Variants in PTPRN2 observed in about 807,000 individuals in gnomAD.
PTPRN2 encodes the protein protein tyrosine phosphatase receptor type N2, also known as receptor-type tyrosine-protein phosphatase N2.
PTPRN2 carries 74 observed loss-of-function variants against 118.8 expected under a neutral mutation model. That is an observed-to-expected ratio of 0.62 (90% CI 0.52 to 0.76). The LOEUF (loss-of-function observed/expected upper bound fraction) is 0.76, where lower values mean the gene tolerates loss of function less well. Among genes scored for constraint, PTPRN2 ranks in the 30% least tolerant of loss-of-function variants. PTPRN2 has a pLI of 0.00. For synonymous variants in PTPRN2, 641 were observed against 608.0 expected (o/e 1.05, Z -0.80); for missense variants, 1,481 against 1,394.4 (o/e 1.06, Z -0.99).
intron 3 of PTPRN2, among the ~76,000 whole-genome samples, chr7:158,316,187 G>C (rs1039389794): frequency 7.5e-4 from 114 of 152,282 alleles, no homozygotes; most frequent in African/African-American, 2.7e-3. Context: ...GCTTACTCCA[G>C]ATGTGGATTT....
chr7:158,283,605 G>A (rs1799577788), intron 3 of PTPRN2, among the ~76,000 whole-genome samples: 1 of 152,198 alleles, frequency 6.6e-6, no homozygotes, highest in African/African-American at 2.4e-5. Flanking sequence ...GTCACAGCAT[G>A]TCCACGGCAC....
intron 4 of PTPRN2, among the ~76,000 whole-genome samples, chr7:158,192,769 A>G (rs1825883742): frequency 6.6e-6 from 1 of 152,154 alleles, no homozygotes; most frequent in Non-Finnish European, 1.5e-5. Flanking sequence ...AAAGCAATAC[A>G]TGGGAAACAA....
intron 12 of PTPRN2, among the ~76,000 whole-genome samples, chr7:157,888,881 G>A (rs1395628474): frequency 6.6e-6 from 1 of 152,156 alleles, no homozygotes; most frequent in African/African-American, 2.4e-5. Context: ...GGTAAAATGA[G>A]ATAGAACTAG....
chr7:158,500,441 T>G (rs756689908), intron 1 of PTPRN2, among the ~76,000 whole-genome samples: 1 of 152,176 alleles, frequency 6.6e-6, no homozygotes, highest in Non-Finnish European at 1.5e-5. Flanking sequence ...TACTTAAAAC[T>G]CTGTAAAAGT....
At chr7:157,736,300 T>C (rs112852976) in intron 12 of PTPRN2, among the ~76,000 whole-genome samples, 2 of 152,322 alleles carry the variant, frequency 1.3e-5, no homozygotes, top group Non-Finnish European at 2.9e-5. Flanking sequence ...ATAGGCTGAA[T>C]TGTGACCCCC....
intron 6 of PTPRN2, among the ~76,000 whole-genome samples, chr7:158,155,989 G>A (rs1208203844): frequency 1.3e-5 from 2 of 152,186 alleles, no homozygotes; most frequent in Non-Finnish European, 2.9e-5. Context: ...GGGAGAAACT[G>A]ACATAATCAT....
chr7:158,248,809 T>C (rs1463064946), intron 3 of PTPRN2, among the ~76,000 whole-genome samples: 5 of 11,300 alleles, frequency 4.4e-4, no homozygotes, highest in African/African-American at 2.9e-3. Context: ...ATGACACACG[T>C]GCACACATGC....
intron 2 of PTPRN2, among the ~76,000 whole-genome samples, chr7:158,463,601 CATT>C (rs1023297553): frequency 1.2e-4 from 18 of 150,452 alleles, no homozygotes; most frequent in African/African-American, 2.2e-4. Flanking sequence ...TCACCATCAT[CATT>C]GTTATCACCA....
At chr7:158,085,430 ACC>A (rs1491431049) in intron 10 of PTPRN2, among the ~76,000 whole-genome samples, 1,687 of 59,956 alleles carry the variant, frequency 0.028, 5 homozygotes, top group Middle Eastern at 0.069. Flanking sequence ...GCCCATCCAC[ACC>A]CACGACGCCC....
intron 11 of PTPRN2, among the ~76,000 whole-genome samples, chr7:157,937,851 G>T (rs1799815371): frequency 6.6e-6 from 1 of 152,244 alleles, no homozygotes; most frequent in South Asian, 2.1e-4. Context: ...CTAGTGACGT[G>T]AGCCCCAGGA....
At chr7:158,058,857 A>G (rs1810045103) in intron 11 of PTPRN2, among the ~76,000 whole-genome samples, 2 of 122,636 alleles carry the variant, frequency 1.6e-5, no homozygotes, top group Admixed American at 1.5e-4. Flanking sequence ...ACATCACTGC[A>G]GCCACACTCC....
At position 158,140,227 on chromosome 7, in the gene PTPRN2, A is replaced by C. The variant is rs575270539; in HGVS notation, c.911-1712T>G. On this transcript the variant is annotated intron_variant, in intron 6 of 22. Coordinates refer to ENST00000389418, the MANE Select transcript of PTPRN2 (RefSeq NM_002847.5). ...GGCTAGAGGGAGCTGAAGCCTCCTC[A>C]CCGCGTCCAGGAAGTGGCACAGTGA... Among the ~76,000 whole-genome samples, 38 of 152,332 alleles carry C rather than the reference A, an allele frequency of 2.5e-4. No homozygotes were observed. The South Asian group carries it at 7.3e-3, about 29-fold the overall frequency.
intron 12 of PTPRN2, among the ~76,000 whole-genome samples, chr7:157,799,382 G>A (rs1013217641): frequency 6.6e-6 from 1 of 152,108 alleles, no homozygotes; most frequent in Non-Finnish European, 1.5e-5. Context: ...ACCTCCCCAC[G>A]CTGAACGTGT....
intron 11 of PTPRN2, among the ~76,000 whole-genome samples, chr7:157,901,694 C>A (rs1180035767): frequency 6.6e-6 from 1 of 152,114 alleles, no homozygotes; most frequent in Non-Finnish European, 1.5e-5. Context: ...TTTGTTTACA[C>A]CCGAAGTGGG....
At chr7:158,204,055 GCCCCTGCC>G (rs1826899492) in intron 4 of PTPRN2, among the ~76,000 whole-genome samples, 1 of 149,208 alleles carries the variant, frequency 6.7e-6, no homozygotes, top group Non-Finnish European at 1.5e-5. Context: ...GAAAGACACG[GCCCCTGCC>G]CTCAGCGAGC....
intron 11 of PTPRN2, among the ~76,000 whole-genome samples, chr7:158,045,218 A>G (rs1808754465): frequency 6.6e-6 from 1 of 152,216 alleles, no homozygotes; most frequent in South Asian, 2.1e-4. Flanking sequence ...TGTGGCGCAC[A>G]GCAGCCCATT....
chr7:158,276,241 CGGTCCTGGTAGCACCCCCACACTCT>C lies in PTPRN2; in HGVS notation c.277+40553_277+40577del, dbSNP rs1310641494. 8.5e-4 allele frequency among the ~76,000 whole-genome samples: 28 copies of C among 32,936 alleles called. 1 individual carries two copies. The highest frequency in any genetic ancestry group is 1.8e-3 in the African/African-American group (23 of 13,128). The allele number at this position is 32,936 out of a possible 152,430, so 21.6% of individuals were successfully genotyped here. On this transcript the variant is annotated intron_variant, in intron 3 of 22. Transcript: ENST00000389418. ...GCTGTAAGGTAGCACCCCCACATCC[CGGTCCTGGTAGCACCCCCACACTCT>C]GGCCCCAACAGGCTGTAAGGCAGCA...
At chr7:157,657,938 C>T (rs908508498) in intron 13 of PTPRN2, among the ~76,000 whole-genome samples, 3 of 136,710 alleles carry the variant, frequency 2.2e-5, no homozygotes, top group Non-Finnish European at 4.8e-5. Context: ...ACACACCACA[C>T]ACACACACCA....
chr7:157,867,383 GC>G, intron 12 of PTPRN2, among the ~76,000 whole-genome samples: 1 of 135,066 alleles, frequency 7.4e-6, no homozygotes, highest in Non-Finnish European at 1.6e-5. Flanking sequence ...TGGATACACG[GC>G]CACCACCCTG....
Sources: gnomAD v4.1 joint callset for allele counts (sites outside exome capture counted in the v4.1 genomes callset) on GRCh38, gnomAD v4.1.1 for gene constraint, MANE v1.5 for transcripts, NCBI Gene and HGNC (gene_info 2026-07-23, HGNC 2026-07-21) for gene names.